Variants in NUP214 observed in about 807,000 individuals in gnomAD.
NUP214 encodes the protein nucleoporin 214.
Under a neutral mutation model 196.2 loss-of-function variants are expected in NUP214, and 79 were observed. The observed-to-expected ratio is 0.40, with a 90% confidence interval of 0.34 to 0.49. The LOEUF (loss-of-function observed/expected upper bound fraction) is 0.49. Ranked by LOEUF, NUP214 falls within the 20% of genes least tolerant of loss-of-function variation. The pLI is 0.58. For synonymous variants in NUP214, 1,020 were observed against 990.5 expected (o/e 1.03, Z -0.56); for missense variants, 2,468 against 2,539.0 (o/e 0.97, Z 0.60).
intron 30 of NUP214, among the ~76,000 whole-genome samples, chr9:131,207,798 GT>G (rs1174766924): frequency 8.5e-5 from 13 of 152,250 alleles, no homozygotes; most frequent in African/African-American, 4.8e-5. Flanking sequence ...CATCATAGGT[GT>G]GAGCACTGTG....
intron 18 of NUP214, among the ~76,000 whole-genome samples, chr9:131,161,469 G>A (rs761791748): frequency 5.0e-4 from 76 of 151,998 alleles, no homozygotes; most frequent in Non-Finnish European, 9.4e-4. Context: ...ATGTTGGTTA[G>A]GCTGGTCTCC....
rs1404273687 is a variant in NUP214 at position 131,150,742 on chromosome 9, T to C, written c.2254T>C (p.Leu752=). 3.7e-6 allele frequency: 6 copies of C among 1,613,332 alleles called. No individual in the cohort carries two copies. In the Admixed American group the frequency reaches 1.0e-4, roughly 27 times the overall value. Residue 752 remains leucine, a synonymous_variant, in exon 16 of 36, where the codon TTG becomes CTG. Transcript: ENST00000359428. ...TESDDLHTFL[L]EIKETTESLH... is the part of the protein sequence containing the mutation. The stretch of plus-strand genomic sequence containing the variant: ...ATCAGATGACTTGCATACCTTTCTT[T>C]TGGAGATTAAAGAGACCACAGAGGT...
At position 131,127,468 on chromosome 9, in the gene NUP214, A is replaced by G. The variant is rs1831397517; in HGVS notation, c.46-56A>G. 4.9e-6 allele frequency: 7 copies of G among 1,417,554 alleles called. No homozygotes were observed. The South Asian group carries it at 8.7e-5, about 18-fold the overall frequency. 87.8% of individuals were successfully genotyped at this position (1,417,554 alleles called of 1,614,324 possible). On this transcript the variant is annotated intron_variant, in intron 1 of 35. Transcript: ENST00000359428. ...ACTGAAATTGGGTCTACTGAATATA[A>G]CATGTTTTAATTTCTTTCTTTATTG...
chr9:131,147,502 A>G lies in NUP214; in HGVS notation c.1958A>G (p.Gln653Arg), dbSNP rs1022724719. ...VLPSPSGRSA[Q>R]GSSSPVPSMV... is the part of the protein sequence containing the mutation. ...CTTTTTCAAGCAGGACGATCTGCTC[A>G]GGGCAGTTCAAGCCCAGTGCCCTCA... Residue 653 changes from glutamine (Q) to arginine (R), a missense_variant, in exon 14 of 36, where the codon CAG becomes CGG. By Grantham distance (43) the Gln-to-Arg change is conservative (BLOSUM62 1). Around this residue, in one of 5 missense-constraint regions of NUP214, gnomAD observed 1,801 missense variants for 1,779.4 expected, o/e 1.01. Coordinates refer to ENST00000359428, the MANE Select transcript of NUP214 (RefSeq NM_005085.4). The G allele has an allele frequency of 2.5e-6, 4 of 1,613,404 alleles. No individual in the cohort carries two copies. In the African/African-American group the frequency reaches 5.3e-5, roughly 22 times the overall value.
chr9:131,196,079 A>AAAGAATT (rs1379202946), intron 28 of NUP214, among the ~76,000 whole-genome samples: 2 of 136,536 alleles, frequency 1.5e-5, no homozygotes, highest in African/African-American at 5.5e-5. Flanking sequence ...TTAACATTTA[A>AAAGAATT]AAGAATTTGA....
rs1239274604 is a variant in NUP214, at chr9:131,198,770, C to G, written c.5276C>G (p.Pro1759Arg). The G allele has an allele frequency of 6.2e-7, 1 of 1,614,242 alleles. No individual in the cohort carries two copies. Among genetic ancestry groups the G allele is most frequent in the Admixed American group, 1.7e-5 (1 of 60,034 alleles). ...AGTTCCGTGCCTGCCTTCGGTCAGC[C>G]TGCTTCCTCCACTCCCACATCCACC... ...GFSSVPAFGQ[P>R]ASSTPTSTSG... Residue 1759 changes from proline (P) to arginine (R), a missense_variant, in exon 29 of 36, where the codon CCT becomes CGT. Pro to Arg is a moderately radical substitution (Grantham distance 103). Around this residue, in one of 5 missense-constraint regions of NUP214, gnomAD observed 1,801 missense variants for 1,779.4 expected, o/e 1.01. Transcript: ENST00000359428.
intron 23 of NUP214, among the ~76,000 whole-genome samples, chr9:131,176,011 A>G (rs1282519913): frequency 6.6e-6 from 1 of 152,020 alleles, no homozygotes; most frequent in Non-Finnish European, 1.5e-5. Flanking sequence ...CTACCCCAAG[A>G]GGTAGGTATT....
chr9:131,212,362 A>G (rs1469193398), intron 30 of NUP214, among the ~76,000 whole-genome samples: 1 of 152,140 alleles, frequency 6.6e-6, no homozygotes, highest in African/African-American at 2.4e-5. Flanking sequence ...CCCTTGAAGC[A>G]TGTGATCTCT....
chr9:131,205,449 A>T (rs887316092), intron 30 of NUP214, among the ~76,000 whole-genome samples: 1 of 152,220 alleles, frequency 6.6e-6, no homozygotes, highest in African/African-American at 2.4e-5. Flanking sequence ...AAACTAATAT[A>T]CAAAATCCCT....
chr9:131,137,597 A>G lies in NUP214; in HGVS notation c.1005+1591A>G, dbSNP rs570468873. On this transcript the variant is annotated intron_variant, in intron 9 of 35. Transcript: ENST00000359428. ...TTTTGAGGCCAAGTCTCACTTTGTC[A>G]CCCAGTGCATTGGCGCCATCTTGGC... Among the ~76,000 whole-genome samples the G allele has an allele frequency of 4.1e-5, 5 of 123,312 alleles. No homozygotes were observed. In the Admixed American group the frequency reaches 5.3e-4, roughly 13 times the overall value. 80.9% of individuals were successfully genotyped at this position (123,312 alleles called of 152,430 possible).
At chr9:131,220,632 A>T (rs936723847) in intron 31 of NUP214, among the ~76,000 whole-genome samples, 1 of 152,244 alleles carries the variant, frequency 6.6e-6, no homozygotes, top group African/African-American at 2.4e-5. Context: ...ATACCACACT[A>T]GTGCCCTGTG....
rs1833866926 is a variant in NUP214 at position 131,198,777 on chromosome 9, C to T, written c.5283C>T (p.Ser1761=). The change falls in exon 29 of 36, where the codon TCC becomes TCT. Residue 1761 remains serine, a synonymous_variant. Transcript: ENST00000359428. ...SSVPAFGQPA[S]STPTSTSGSV... ...TGCCTGCCTTCGGTCAGCCTGCTTC[C>T]TCCACTCCCACATCCACCAGTGGAA... 4 of 1,614,246 alleles carry T rather than the reference C, an allele frequency of 2.5e-6. No homozygotes were observed. The East Asian group carries it at 6.7e-5, about 27-fold the overall frequency.
At chr9:131,161,548 C>T (rs977265467) in intron 18 of NUP214, among the ~76,000 whole-genome samples, 3 of 152,170 alleles carry the variant, frequency 2.0e-5, no homozygotes, top group South Asian at 2.1e-4. Flanking sequence ...TGAGCCACCG[C>T]GCCTGGCCTG....
At chr9:131,131,994 C>A (rs1307149622) in intron 5 of NUP214, among the ~76,000 whole-genome samples, 1 of 152,090 alleles carries the variant, frequency 6.6e-6, no homozygotes, top group Non-Finnish European at 1.5e-5. Flanking sequence ...CAGCCTTATT[C>A]CACTATTGAT....
intron 21 of NUP214, among the ~76,000 whole-genome samples, chr9:131,171,464 AG>A (rs1252856730): frequency 6.6e-6 from 1 of 151,914 alleles, no homozygotes; most frequent in Non-Finnish European, 1.5e-5. Context: ...GGTTTGTATT[AG>A]TTTCCTATGG....
Position 131,197,319 on chromosome 9 carries a change from A to G in NUP214, c.3825A>G (p.Ser1275=). The G allele has an allele frequency of 6.2e-7, 1 of 1,614,180 alleles. No homozygotes were observed. Among genetic ancestry groups the G allele is most frequent in the East Asian group, 2.2e-5 (1 of 44,884 alleles). ...CCATTCCTGAAAGCTCACCTCCCTC[A>G]GGAATCACATCCGCATCAAACACCA... ...YEAIPESSPP[S]GITSASNTTP... Residue 1275 remains serine (S), a synonymous_variant, in exon 29 of 36, where the codon TCA becomes TCG. Coordinates refer to ENST00000359428, the MANE Select transcript of NUP214 (RefSeq NM_005085.4).
intron 4 of NUP214, among the ~76,000 whole-genome samples, chr9:131,130,193 G>A (rs945462596): frequency 7.7e-6 from 1 of 130,600 alleles, no homozygotes; most frequent in East Asian, 2.3e-4. Flanking sequence ...GCCCAGGCTG[G>A]AGTGCAGTGG....
intron 27 of NUP214, among the ~76,000 whole-genome samples, chr9:131,193,662 T>TTTTTTTTTTTTTA (rs1833688233): frequency 7.6e-6 from 1 of 132,070 alleles, no homozygotes; most frequent in Non-Finnish European, 1.6e-5. Context: ...TTTTTTTTTT[T>TTTTTTTTTTTTTA]GGATTTTCAG....
Position 131,144,535 on chromosome 9 carries a change from C to T in NUP214, c.1550C>T (p.Pro517Leu), listed in dbSNP as rs138849996. The change falls in exon 12 of 36, where the codon CCA (proline) becomes CTA (leucine). Residue 517 changes from proline (P) to leucine (L), a missense_variant. Physicochemically the swap from Pro to Leu is moderately conservative, Grantham distance 98. This residue lies in a region of NUP214 where 1,801 missense variants were observed against 1,779.4 expected (regional missense o/e 1.01). Transcript: ENST00000359428. ...DSSKAAPGPG[P>L]STFSFVPPSK... ...TCCAAAGCAGCCCCAGGCCCTGGCC[C>T]ATCAACCTTCTCTTTTGTTCCCCCT... The T allele has an allele frequency of 9.9e-6, 16 of 1,614,042 alleles. No individual in the cohort carries two copies. Among genetic ancestry groups the T allele is most frequent in the Middle Eastern group, 3.3e-4 (2 of 6,084 alleles).
Sources: gnomAD v4.1 joint callset for allele counts (sites outside exome capture counted in the v4.1 genomes callset) on GRCh38, gnomAD v4.1.1 for gene constraint, gnomAD v4.1.1 regional missense constraint, MANE v1.5 for transcripts, NCBI Gene and HGNC (gene_info 2026-07-23, HGNC 2026-07-21) for gene names.